The following CDK5RAP1 variants were observed in gnomAD, a reference collection of about 807,000 sequenced individuals.
CDK5RAP1 encodes the protein mitochondrial tRNA methylthiotransferase CDK5RAP1.
Under a neutral mutation model 64.5 loss-of-function variants are expected in CDK5RAP1, and 62 were observed. The ratio of observed to expected loss-of-function variants is 0.96; its 90% CI spans 0.78 to 1.19. CDK5RAP1 has a LOEUF of 1.19. Ranked by LOEUF, CDK5RAP1 falls within the 50% of genes most tolerant of loss-of-function variation. CDK5RAP1 has a pLI of 0.00. For synonymous variants in CDK5RAP1, 250 were observed against 261.9 expected, an observed-to-expected ratio of 0.95 and a Z score of 0.44; for missense variants, 657 against 735.0, an observed-to-expected ratio of 0.89 and a Z score of 1.23.
intron 5 of CDK5RAP1, among the ~76,000 whole-genome samples, chr20:33,390,172 G>T (rs1180267090): frequency 6.6e-6 from 1 of 151,886 alleles, no homozygotes; most frequent in East Asian, 1.9e-4. Context: ...TACTCAGGAG[G>T]CTGAGGCAGG....
intron 5 of CDK5RAP1, among the ~76,000 whole-genome samples, chr20:33,389,520 A>T (rs1260880627): frequency 7.3e-6 from 1 of 137,520 alleles, no homozygotes; most frequent in African/African-American, 2.8e-5. Context: ...CGGCCAGCCG[A>T]CCCGTCAGGG....
intron 10 of CDK5RAP1, 107 bp from the exon 11 acceptor site, chr20:33,370,736 C>T (rs1401183303): frequency 1.7e-6 from 2 of 1,153,384 alleles, no homozygotes; most frequent in Non-Finnish European, 1.3e-6. Flanking sequence ...GTAAGGTCCT[C>T]CCTAGGACTA....
Position 33,392,235 on chromosome 20 carries a change from C to A in CDK5RAP1, c.451G>T (p.Ala151Ser), listed in dbSNP as rs766574539. The A allele has an allele frequency of 1.2e-6, 2 of 1,611,800 alleles. No individual in the cohort carries two copies. Among genetic ancestry groups the A allele is most frequent in the African/African-American group, 1.3e-5 (1 of 74,978 alleles). ...AAACGGTTCCAGATGGTCTGCTCAG[C>A]CTTCTCCCTAGAGAGATCAAAGGAG... ...LLVTCSIREK[A>S]EQTIWNRLHQ... Residue 151 changes from alanine (A) to serine (S), a missense_variant, in exon 5 of 14, where the codon GCT (alanine) becomes TCT (serine). Ala to Ser is a moderately conservative substitution (Grantham distance 99, BLOSUM62 1). Transcript: ENST00000346416.
At position 33,385,704 on chromosome 20, in the gene CDK5RAP1, C is replaced by T; in HGVS notation, c.822G>A (p.Glu274=). The change falls in exon 7 of 14, where the codon GAG becomes GAA. Residue 274 remains glutamate, a synonymous_variant. Transcript: ENST00000346416. The part of the protein sequence containing the change: ...YCIVPFTRGR[E]RSRPIASILE... ...GAATGGAGGCAATAGGCCGACTCCT[C>T]TCCCTGCCCCGGGTGAAAGGAACAA... The T allele has an allele frequency of 6.2e-7, 1 of 1,614,122 alleles. No individual in the cohort carries two copies. The highest frequency in any genetic ancestry group is 8.5e-7 in the Non-Finnish European group (1 of 1,179,946).
At chr20:33,391,725 C>A (rs112770843) in intron 5 of CDK5RAP1, among the ~76,000 whole-genome samples, 2 of 152,026 alleles carry the variant, frequency 1.3e-5, no homozygotes, top group East Asian at 3.9e-4. Flanking sequence ...GAGGCTGAGG[C>A]AGGAGAATCA....
intron 5 of CDK5RAP1, 43 bp downstream of exon 5, chr20:33,392,099 G>T: frequency 8.0e-7 from 1 of 1,245,830 alleles, no homozygotes; most frequent in Non-Finnish European, 1.2e-6. Context: ...GCCACATAAA[G>T]TCCAAGTTTC....
intron 8 of CDK5RAP1, among the ~76,000 whole-genome samples, chr20:33,375,346 G>T (rs1411890476): frequency 6.7e-6 from 1 of 149,338 alleles, no homozygotes; most frequent in African/African-American, 2.5e-5. Flanking sequence ...AGGTTGCAGT[G>T]AGGCCAGATC....
chr20:33,373,877 A>G (rs1056844666), intron 9 of CDK5RAP1: 3 of 520,336 alleles, frequency 5.8e-6, no homozygotes, highest in Non-Finnish European at 1.0e-5. Flanking sequence ...GTGGCTGCTC[A>G]GTAAATATTT....
intron 5 of CDK5RAP1, among the ~76,000 whole-genome samples, chr20:33,389,500 A>T (rs1054393289): frequency 2.7e-5 from 4 of 149,862 alleles, no homozygotes; most frequent in Non-Finnish European, 5.9e-5. Flanking sequence ...GGTGGGGGTC[A>T]GCCCCCGCCC....
chr20:33,368,236 T>A (rs934390373), intron 11 of CDK5RAP1, among the ~76,000 whole-genome samples: 1 of 152,140 alleles, frequency 6.6e-6, no homozygotes, highest in African/African-American at 2.4e-5. Flanking sequence ...TGAACATTCA[T>A]ATTCACTGAC....
At chr20:33,395,509 A>G (rs1293413166) in intron 2 of CDK5RAP1, among the ~76,000 whole-genome samples, 5 of 152,166 alleles carry the variant, frequency 3.3e-5, no homozygotes, top group African/African-American at 4.8e-5. Context: ...AGGCTGAGGT[A>G]GAACTGCTCG....
chr20:33,396,594 C>T (rs1451330547), intron 2 of CDK5RAP1, among the ~76,000 whole-genome samples, 167 bp downstream of exon 2: 2 of 152,092 alleles, frequency 1.3e-5, no homozygotes, highest in African/African-American at 2.4e-5. Context: ...GCCACCGTGA[C>T]CAGTCGAGTT....
Position 33,387,487 on chromosome 20 carries a change from T to G in CDK5RAP1, c.591A>C (p.Lys197Asn). The G allele has an allele frequency of 6.2e-7, 1 of 1,614,068 alleles. No individual in the cohort carries two copies. The highest frequency in any genetic ancestry group is 8.5e-7 in the Non-Finnish European group (1 of 1,180,012). Residue 197 changes from lysine (K) to asparagine (N), a missense_variant, in exon 6 of 14, where the codon AAA becomes AAC. Lys to Asn is a moderately conservative substitution (Grantham distance 94, BLOSUM62 0). Coordinates refer to ENST00000346416, the MANE Select transcript of CDK5RAP1 (RefSeq NM_016408.4). ...CAGGACCAGCCAAAATATCTACCATTTTCTCTCTGTTGAGAATCTCCTCCT... is the reference window on the plus strand; with the variant it reads ...CAGGACCAGCCAAAATATCTACCATGTTCTCTCTGTTGAGAATCTCCTCCT... ...RLKEEILNRE[K>N]MVDILAGPDA...
intron 7 of CDK5RAP1, among the ~76,000 whole-genome samples, chr20:33,383,310 G>GA (rs1238542378): frequency 6.6e-6 from 1 of 151,476 alleles, no homozygotes; most frequent in African/African-American, 2.4e-5. Context: ...TTTTCAATAA[G>GA]AAAAAAATAA....
At chr20:33,400,026 A>G (rs1989255745) in intron 1 of CDK5RAP1, among the ~76,000 whole-genome samples, 1 of 149,644 alleles carries the variant, frequency 6.7e-6, no homozygotes, top group Non-Finnish European at 1.5e-5. Context: ...CCTGGGCAAC[A>G]GAGAGAGAGA....
chr20:33,390,904 G>C (rs551406319), intron 5 of CDK5RAP1, among the ~76,000 whole-genome samples: 7 of 152,200 alleles, frequency 4.6e-5, no homozygotes, highest in Non-Finnish European at 8.8e-5. Context: ...AGACAGAAAA[G>C]GGTAGAGAAA....
chr20:33,376,490 C>A (rs1182462467), intron 8 of CDK5RAP1, among the ~76,000 whole-genome samples: 1 of 152,038 alleles, frequency 6.6e-6, no homozygotes, highest in African/African-American at 2.4e-5. Context: ...CTGTTGAGAC[C>A]TACTGCTTAG....
At chr20:33,389,486 G>T (rs1476901217) in intron 5 of CDK5RAP1, among the ~76,000 whole-genome samples, 1 of 151,980 alleles carries the variant, frequency 6.6e-6, no homozygotes, top group Non-Finnish European at 1.5e-5. Context: ...CCGTCCGGGA[G>T]GGAGGTGGGG....
At chr20:33,390,351 C>A (rs1353835940) in intron 5 of CDK5RAP1, among the ~76,000 whole-genome samples, 3 of 151,310 alleles carry the variant, frequency 2.0e-5, no homozygotes, top group Non-Finnish European at 4.4e-5. Flanking sequence ...TTATGATAAG[C>A]CAAATAAGAC....
Sources: allele counts gnomAD v4.1 joint callset (sites outside exome capture counted in the v4.1 genomes callset), GRCh38; gene constraint gnomAD v4.1.1; transcripts MANE v1.5; gene names NCBI Gene and HGNC (gene_info 2026-07-23, HGNC 2026-07-21).